The following SKAP2 variants were observed in gnomAD, a reference collection of about 807,000 sequenced individuals.
SKAP2 encodes src kinase-associated phosphoprotein 2.
A neutral mutation model predicts 54.9 loss-of-function variants in SKAP2; 28 were observed. The observed-to-expected ratio is 0.51, with a 90% CI of 0.38 to 0.70. The LOEUF (loss-of-function observed/expected upper bound fraction) is 0.70. SKAP2 is among the 30% of genes least tolerant of loss of function. The pLI, the probability that SKAP2 is intolerant of heterozygous loss-of-function variation, is 0.00. For missense variants in SKAP2, 356 were observed against 424.1 expected, an observed-to-expected ratio of 0.84 and a Z score of 1.41; for synonymous variants, 137 against 134.3, an observed-to-expected ratio of 1.02 and a Z score of -0.14.
intron 4 of SKAP2, among the ~76,000 whole-genome samples, chr7:26,832,601 C>A (rs56130952): frequency 1.3e-5 from 2 of 152,078 alleles, no homozygotes; most frequent in Non-Finnish European, 1.5e-5. Context: ...ATCACTTGAG[C>A]CTAGGAGTTC....
At chr7:26,706,460 C>T (rs994908608) in intron 9 of SKAP2, among the ~76,000 whole-genome samples, 3 of 152,060 alleles carry the variant, frequency 2.0e-5, no homozygotes, top group Non-Finnish European at 4.4e-5. Context: ...AAATCTATAT[C>T]CTACTGCAGC....
chr7:26,780,969 T>C (rs917628173), intron 4 of SKAP2, among the ~76,000 whole-genome samples: 4 of 152,156 alleles, frequency 2.6e-5, no homozygotes, highest in African/African-American at 9.7e-5. Flanking sequence ...GTTTATAAAT[T>C]TCAAAGTTTC....
At chr7:26,791,034 A>C (rs1783663844) in intron 4 of SKAP2, among the ~76,000 whole-genome samples, 1 of 147,890 alleles carries the variant, frequency 6.8e-6, no homozygotes, top group Admixed American at 6.8e-5. Flanking sequence ...TGAGATTGTA[A>C]AACTTGTTTT....
intron 4 of SKAP2, among the ~76,000 whole-genome samples, chr7:26,813,641 T>C (rs2127988636): frequency 6.6e-6 from 1 of 152,308 alleles, no homozygotes; most frequent in East Asian, 1.9e-4. Context: ...AGCCACAAAC[T>C]TAGAAACAGT....
At chr7:26,754,998 G>A (rs1209793625) in intron 4 of SKAP2, among the ~76,000 whole-genome samples, 1 of 152,162 alleles carries the variant, frequency 6.6e-6, no homozygotes, top group Non-Finnish European at 1.5e-5. Context: ...TTTAGATATG[G>A]TAAGATCTTA....
chr7:26,670,853 G>A (rs925646701), intron 11 of SKAP2, among the ~76,000 whole-genome samples: 1 of 151,988 alleles, frequency 6.6e-6, no homozygotes, highest in Non-Finnish European at 1.5e-5. Flanking sequence ...AACTACCTTA[G>A]ATAAAGAATA....
At chr7:26,748,594 T>C (rs1782609889) in intron 4 of SKAP2, among the ~76,000 whole-genome samples, 1 of 152,112 alleles carries the variant, frequency 6.6e-6, no homozygotes, top group African/African-American at 2.4e-5. Context: ...ATCTGCTCTG[T>C]AGCAAGTAAA....
chr7:26,809,791 G>A (rs639221), intron 4 of SKAP2, among the ~76,000 whole-genome samples: 83,629 of 151,956 alleles, frequency 0.55, 23,416 homozygotes, highest in East Asian at 0.86. Flanking sequence ...TATGTCAAGG[G>A]GATATCTGCA....
At chr7:26,718,462 A>G (rs1199462051) in intron 9 of SKAP2, among the ~76,000 whole-genome samples, 1 of 152,018 alleles carries the variant, frequency 6.6e-6, no homozygotes, top group Non-Finnish European at 1.5e-5. Context: ...AAGTTTACGT[A>G]GGGTAGGGAG....
At chr7:26,703,281 C>T (rs1425851796) in intron 9 of SKAP2, among the ~76,000 whole-genome samples, 3 of 152,046 alleles carry the variant, frequency 2.0e-5, no homozygotes, top group Non-Finnish European at 4.4e-5. Flanking sequence ...TCCACCACCA[C>T]AAATAAGCAA....
intron 4 of SKAP2, among the ~76,000 whole-genome samples, chr7:26,753,229 T>A (rs1225687197): frequency 6.6e-6 from 1 of 152,196 alleles, no homozygotes; most frequent in African/African-American, 2.4e-5. Context: ...AGTATCAGGC[T>A]AAAATAGTGT....
intron 9 of SKAP2, among the ~76,000 whole-genome samples, chr7:26,701,726 AAAATAAAT>A (rs869050926): frequency 3.5e-4 from 45 of 126,844 alleles, no homozygotes; most frequent in Middle Eastern, 4.4e-3. Context: ...CTTCGTCTCA[AAAATAAAT>A]AAATAAATAA....
At chr7:26,781,041 T>C (rs990267154) in intron 4 of SKAP2, among the ~76,000 whole-genome samples, 5 of 152,170 alleles carry the variant, frequency 3.3e-5, no homozygotes, top group African/African-American at 4.8e-5. Flanking sequence ...TTTACCAATG[T>C]TTATTTTATA....
intron 4 of SKAP2, among the ~76,000 whole-genome samples, chr7:26,811,872 A>G (rs1425432265): frequency 6.6e-6 from 1 of 152,236 alleles, no homozygotes; most frequent in African/African-American, 2.4e-5. Context: ...AGTAATTTAA[A>G]GAACATTTTC....
chr7:26,836,780 G>C (rs543233508), intron 4 of SKAP2, among the ~76,000 whole-genome samples: 2 of 152,188 alleles, frequency 1.3e-5, no homozygotes. Context: ...ACAGTGTGAC[G>C]ATTCCTCAAG....
Position 26,788,854 on chromosome 7 carries a change from G to C in SKAP2, c.308-48890C>G, listed in dbSNP as rs546415870. ...CACACACACACAAATTAATCGCAAA[G>C]TTCTATGGTATACAAAATAGACTGA... On this transcript the variant is annotated intron_variant, in intron 4 of 12. Coordinates refer to ENST00000345317, the MANE Select transcript of SKAP2 (RefSeq NM_003930.5). Among the ~76,000 whole-genome samples the C allele has an allele frequency of 7.5e-4, 114 of 151,868 alleles. 2 individuals are homozygous for C. Among genetic ancestry groups the C allele is most frequent in the Non-Finnish European group, 7.6e-4 (52 of 67,982 alleles).
intron 9 of SKAP2, among the ~76,000 whole-genome samples, chr7:26,695,755 A>G (rs1786881135): frequency 6.6e-6 from 1 of 152,148 alleles, no homozygotes; most frequent in South Asian, 2.1e-4. Context: ...GGCTGCCCAA[A>G]ATATATGGTC....
At chr7:26,778,042 A>G (rs1783350225) in intron 4 of SKAP2, among the ~76,000 whole-genome samples, 1 of 152,090 alleles carries the variant, frequency 6.6e-6, no homozygotes, top group Non-Finnish European at 1.5e-5. Flanking sequence ...GGTAGCACAG[A>G]ACCCTTTTGA....
chr7:26,707,346 T>C (rs1456954237), intron 9 of SKAP2, among the ~76,000 whole-genome samples: 1 of 150,648 alleles, frequency 6.6e-6, no homozygotes, highest in Non-Finnish European at 1.5e-5. Context: ...GGTGACAGAG[T>C]GAGATACCAT....
Sources: gnomAD v4.1 joint callset for allele counts (sites outside exome capture counted in the v4.1 genomes callset) on GRCh38, gnomAD v4.1.1 for gene constraint, MANE v1.5 for transcripts, NCBI Gene and HGNC (gene_info 2026-07-23, HGNC 2026-07-21) for gene names.